Variants in KCNH5 observed in about 807,000 individuals in gnomAD.
KCNH5 encodes potassium voltage-gated channel subfamily H member 5.
Under a neutral mutation model 96.1 loss-of-function variants are expected in KCNH5, and 46 were observed. The observed-to-expected ratio is 0.48, with a 90% CI of 0.38 to 0.61. The LOEUF (loss-of-function observed/expected upper bound fraction) is 0.61, where lower values mean the gene tolerates loss of function less well. Among genes scored for constraint, KCNH5 ranks in the 20% least tolerant of loss-of-function variants. KCNH5 has a pLI of 0.00. For synonymous variants in KCNH5, 439 were observed against 449.8 expected (o/e 0.98, Z 0.30); for missense variants, 907 against 1,225.8 (o/e 0.74, Z 3.88).
At chr14:62,964,848 C>T (rs2139548239) in intron 6 of KCNH5, among the ~76,000 whole-genome samples, 1 of 152,188 alleles carries the variant, frequency 6.6e-6, no homozygotes, top group African/African-American at 2.4e-5. Flanking sequence ...ATGACCTAAT[C>T]ATATTGACCA....
At chr14:62,807,560 T>C (rs1215584431) in intron 8 of KCNH5, among the ~76,000 whole-genome samples, 1 of 152,164 alleles carries the variant, frequency 6.6e-6, no homozygotes, top group African/African-American at 2.4e-5. Flanking sequence ...TGCTTTAAGG[T>C]CATAAACTGC....
intron 1 of KCNH5, among the ~76,000 whole-genome samples, chr14:63,027,414 A>T (rs1321783629): frequency 6.6e-6 from 1 of 151,790 alleles, no homozygotes; most frequent in Non-Finnish European, 1.5e-5. Context: ...GCCATTCCAC[A>T]ATGTAGACAT....
intron 7 of KCNH5, among the ~76,000 whole-genome samples, chr14:62,859,129 A>G (rs556364005): frequency 2.6e-5 from 4 of 152,322 alleles, no homozygotes; most frequent in South Asian, 2.1e-4. Context: ...GTAAGTGTCT[A>G]TTCCAGTGAG....
At chr14:62,819,361 A>T (rs1887067843) in intron 8 of KCNH5, among the ~76,000 whole-genome samples, 1 of 152,166 alleles carries the variant, frequency 6.6e-6, no homozygotes, top group Non-Finnish European at 1.5e-5. Flanking sequence ...ATCCAGTAAC[A>T]AAAGACCACA....
chr14:62,712,768 G>A lies in KCNH5; in HGVS notation c.2020-4313C>T, dbSNP rs10144456. The A allele has an allele frequency of 8.2e-4, 622 of 755,662 alleles. No individual in the cohort carries two copies. The African/African-American group carries it at 9.6e-3, about 12-fold the overall frequency. 46.8% of individuals were successfully genotyped at this position (755,662 alleles called of 1,614,324 possible). Reference sequence around the variant, plus strand: ...GAAGCTGTATACTTGCTGGGAAAGCGGTAGCCTAGACCTTGAAAGAGCTTT... The same window carrying A: ...GAAGCTGTATACTTGCTGGGAAAGCAGTAGCCTAGACCTTGAAAGAGCTTT... On this transcript the variant is annotated intron_variant, in intron 10 of 10. Transcript: ENST00000322893.
intron 6 of KCNH5, among the ~76,000 whole-genome samples, chr14:62,962,012 GAGATGGAGATGCAGATGCAGATGC>G (rs1470438169): frequency 1.3e-5 from 2 of 151,062 alleles, no homozygotes; most frequent in Non-Finnish European, 2.9e-5. Context: ...GATGCAGATG[GAGATGGAGATGCAGATGCAGATGC>G]AGATGGAGAC....
intron 7 of KCNH5, among the ~76,000 whole-genome samples, chr14:62,948,777 C>T (rs776494313): frequency 2.3e-4 from 34 of 147,560 alleles, no homozygotes; most frequent in Middle Eastern, 3.4e-3. Context: ...ACTGGCAAAC[C>T]GAATCCAGCA....
rs912840818 is a variant in KCNH5 at position 62,716,977 on chromosome 14, C to A, written c.2020-8522G>T. Among the ~76,000 whole-genome samples, 19 of 152,204 alleles carry A rather than the reference C, an allele frequency of 1.2e-4. No individual in the cohort carries two copies. In the East Asian group the frequency reaches 3.7e-3, roughly 29 times the overall value. ...CAGTATACACATTCAATATAAAAAT[C>A]TGTTGTATTTCTATGCACTAGCCAT... On this transcript the variant is annotated intron_variant, in intron 10 of 10. Coordinates refer to ENST00000322893, the MANE Select transcript of KCNH5 (RefSeq NM_139318.5).
intron 3 of KCNH5, among the ~76,000 whole-genome samples, chr14:63,004,998 C>T (rs929805620): frequency 2.6e-5 from 4 of 152,020 alleles, no homozygotes; most frequent in Non-Finnish European, 5.9e-5. Flanking sequence ...CTTAACAAAC[C>T]ATAGGAAAAT....
chr14:62,955,896 G>T (rs147607679), intron 6 of KCNH5, among the ~76,000 whole-genome samples: 115 of 152,172 alleles, frequency 7.6e-4, no homozygotes, highest in African/African-American at 2.6e-3. Context: ...TGAACGAATC[G>T]TCCAAAGACA....
intron 7 of KCNH5, among the ~76,000 whole-genome samples, chr14:62,895,289 G>T (rs930472575): frequency 6.6e-6 from 1 of 151,486 alleles, no homozygotes; most frequent in Non-Finnish European, 1.5e-5. Context: ...TATCAGTACA[G>T]ATTAAGAACT....
At chr14:62,847,056 T>A (rs1233594782) in intron 8 of KCNH5, among the ~76,000 whole-genome samples, 2 of 149,184 alleles carry the variant, frequency 1.3e-5, no homozygotes, top group Non-Finnish European at 3.0e-5. Flanking sequence ...CACCTCGGCC[T>A]CCCAAAGTGC....
chr14:62,861,943 TACA>T (rs1453614743), intron 7 of KCNH5, among the ~76,000 whole-genome samples: 7 of 152,096 alleles, frequency 4.6e-5, no homozygotes, highest in South Asian at 2.1e-4. Flanking sequence ...AATAAGAAAA[TACA>T]ACAAGTCCTC....
At chr14:63,003,624 A>ATATATATAAAATTTT (rs1491457497) in intron 3 of KCNH5, among the ~76,000 whole-genome samples, 1 of 92,854 alleles carries the variant, frequency 1.1e-5, no homozygotes, top group African/African-American at 4.7e-5. Context: ...ATATATATAT[A>ATATATATAAAATTTT]TTTTTTTTTT....
chr14:62,884,145 A>C (rs921288335), intron 7 of KCNH5, among the ~76,000 whole-genome samples: 2 of 152,162 alleles, frequency 1.3e-5, no homozygotes, highest in African/African-American at 4.8e-5. Context: ...TTCTTAGTGA[A>C]ATTATAATAA....
intron 1 of KCNH5, among the ~76,000 whole-genome samples, chr14:63,043,666 C>A (rs954646493): frequency 6.6e-6 from 1 of 151,980 alleles, no homozygotes; most frequent in Non-Finnish European, 1.5e-5. Context: ...TTGGCCAAAA[C>A]GAAGAAATAA....
intron 5 of KCNH5, among the ~76,000 whole-genome samples, chr14:62,982,804 T>A (rs1454734074): frequency 3.3e-5 from 5 of 152,206 alleles, no homozygotes; most frequent in Non-Finnish European, 5.9e-5. Context: ...TATTTTTATT[T>A]TGGTGTTTGT....
chr14:62,984,755 A>G (rs1413474384), intron 5 of KCNH5, among the ~76,000 whole-genome samples: 1 of 152,018 alleles, frequency 6.6e-6, no homozygotes, highest in Non-Finnish European at 1.5e-5. Context: ...CTAATCACAG[A>G]GCAAAGAAAA....
At chr14:62,862,495 T>G (rs1888057094) in intron 7 of KCNH5, among the ~76,000 whole-genome samples, 1 of 152,212 alleles carries the variant, frequency 6.6e-6, no homozygotes, top group Non-Finnish European at 1.5e-5. Flanking sequence ...GGTATGCAAA[T>G]CCCTTCGTGG....
Sources: allele counts gnomAD v4.1 joint callset (sites outside exome capture counted in the v4.1 genomes callset), GRCh38; gene constraint gnomAD v4.1.1; transcripts MANE v1.5; gene names NCBI Gene and HGNC (gene_info 2026-07-23, HGNC 2026-07-21).